The following DAB1 variants were observed in gnomAD, a reference collection of about 807,000 sequenced individuals.
DAB1 encodes the protein disabled homolog 1.
In DAB1, 15 loss-of-function variants were observed where a neutral mutation model predicts 64.6. The observed-to-expected ratio is 0.23, with a 90% CI of 0.16 to 0.36. The LOEUF (loss-of-function observed/expected upper bound fraction) is 0.36, where lower values mean the gene tolerates loss of function less well. Ranked by LOEUF, DAB1 falls within the 10% of genes least tolerant of loss-of-function variation. The probability of loss-of-function intolerance (pLI) is 1.00; values close to 1 mark genes in which losing one functional copy is unlikely to be tolerated. For synonymous variants in DAB1, 235 were observed against 251.9 expected (o/e 0.93, Z 0.64); for missense variants, 596 against 706.7 (o/e 0.84, Z 1.78).
intron 2 of DAB1, among the ~76,000 whole-genome samples, chr1:57,241,821 A>G (rs1668515700): frequency 6.6e-6 from 1 of 152,156 alleles, no homozygotes; most frequent in Admixed American, 6.5e-5. Context: ...CTGGGCTTCA[A>G]ACACTTATCG....
intron 6 of DAB1, among the ~76,000 whole-genome samples, chr1:57,712,558 G>A (rs1557437919): frequency 6.6e-6 from 1 of 152,078 alleles, no homozygotes; most frequent in Non-Finnish European, 1.5e-5. Flanking sequence ...TAGGATTCAA[G>A]GTTATCTTAA....
At chr1:57,772,831 C>A (rs773596874) in intron 6 of DAB1, among the ~76,000 whole-genome samples, 1 of 151,948 alleles carries the variant, frequency 6.6e-6, no homozygotes, top group Admixed American at 6.6e-5. Context: ...CTCCCAGTGA[C>A]CTTATTTGGA....
intron 4 of DAB1, among the ~76,000 whole-genome samples, chr1:58,247,385 C>T (rs1363178185): frequency 1.3e-5 from 2 of 152,036 alleles, no homozygotes; most frequent in Non-Finnish European, 2.9e-5. Context: ...GAAACCCAGC[C>T]TGTCCAAATG....
chr1:58,420,277 A>C (rs1424644235), intron 3 of DAB1, among the ~76,000 whole-genome samples: 2 of 152,196 alleles, frequency 1.3e-5, no homozygotes, highest in African/African-American at 4.8e-5. Flanking sequence ...TGCTGGCTCC[A>C]GTAATATTCT....
chr1:57,937,969 A>G (rs1004716122), intron 5 of DAB1, among the ~76,000 whole-genome samples: 1 of 152,214 alleles, frequency 6.6e-6, no homozygotes, highest in African/African-American at 2.4e-5. Context: ...ACCTATAGTC[A>G]GGGCTAAGCT....
chr1:57,581,274 A>G (rs1645308706), intron 7 of DAB1, among the ~76,000 whole-genome samples: 2 of 152,266 alleles, frequency 1.3e-5, no homozygotes, highest in Admixed American at 1.3e-4. Context: ...TTAGTGTAAC[A>G]CTTCAGAGAA....
intron 2 of DAB1, among the ~76,000 whole-genome samples, chr1:57,273,545 GCCTGCCTGCCTTCCTTCCTT>G (rs1290020074): frequency 1.1e-4 from 8 of 71,812 alleles, no homozygotes; most frequent in Admixed American, 5.5e-4. Context: ...CTGCCTGCCT[GCCTGCCTGCCTTCCTTCCTT>G]CCTTCCTTCC....
intron 5 of DAB1, among the ~76,000 whole-genome samples, chr1:58,145,203 C>A (rs188853166): frequency 1.3e-5 from 2 of 152,184 alleles, no homozygotes; most frequent in African/African-American, 4.8e-5. Context: ...GCCATCCTGC[C>A]GGAGGATGCG....
chr1:57,856,100 A>C (rs986065199), intron 1 of DAB1, among the ~76,000 whole-genome samples: 1 of 152,210 alleles, frequency 6.6e-6, no homozygotes, highest in African/African-American at 2.4e-5. Context: ...GGGACTTATC[A>C]GCAGAGAGTC....
In DAB1 at chr1:57,011,248, C is replaced by A; in HGVS notation, c.1469G>T (p.Ser490Ile). The change falls in exon 13 of 15, where the codon AGC becomes ATC. Residue 490 changes from serine to isoleucine, a missense_variant. Physicochemically the swap from Ser to Ile is moderately radical, Grantham distance 142 (BLOSUM62 -2). This residue lies in a region of DAB1 where 377 missense variants were observed against 400.4 expected (regional missense o/e 0.94). Coordinates refer to ENST00000371236, the MANE Select transcript of DAB1 (RefSeq NM_001365792.1). ...NSPPTPAPRQ[S>I]SPSKSSASHA... Reference sequence around the variant, plus strand: ...GGATGCAGATGATTTGGATGGAGAGCTCTGTCTAGGGGCTGGGGTTGGAGC... The same window carrying A: ...GGATGCAGATGATTTGGATGGAGAGATCTGTCTAGGGGCTGGGGTTGGAGC... 1 of 1,613,994 alleles carries A rather than the reference C, an allele frequency of 6.2e-7. No homozygotes were observed. Among genetic ancestry groups the A allele is most frequent in the Non-Finnish European group, 8.5e-7 (1 of 1,179,886 alleles).
chr1:57,355,394 G>A (rs369659868), intron 1 of DAB1, among the ~76,000 whole-genome samples: 35 of 135,792 alleles, frequency 2.6e-4, no homozygotes, highest in East Asian at 2.1e-3. Context: ...CCTTCCTTCC[G>A]TCCTTCCGTC....
chr1:57,629,359 T>C (rs1310551741), intron 7 of DAB1, among the ~76,000 whole-genome samples: 1 of 152,168 alleles, frequency 6.6e-6, no homozygotes, highest in Admixed American at 6.5e-5. Flanking sequence ...GCAGTGTTTG[T>C]GTGAAAAACC....
intron 3 of DAB1, among the ~76,000 whole-genome samples, chr1:58,434,974 T>A (rs537106668): frequency 6.6e-6 from 1 of 152,312 alleles, no homozygotes; most frequent in East Asian, 1.9e-4. Context: ...CATTTGACAT[T>A]GTTCCCTGAG....
At chr1:57,042,629 G>T (rs1452173782) in intron 9 of DAB1, among the ~76,000 whole-genome samples, 1 of 152,254 alleles carries the variant, frequency 6.6e-6, no homozygotes, top group East Asian at 1.9e-4. Flanking sequence ...GTACCTAGAT[G>T]GCCTAGTGGT....
intron 6 of DAB1, among the ~76,000 whole-genome samples, chr1:57,807,566 C>T (rs1444178250): frequency 6.6e-6 from 1 of 152,220 alleles, no homozygotes; most frequent in East Asian, 1.9e-4. Flanking sequence ...CCAAATACTG[C>T]CTCATCATAT....
At chr1:57,278,816 G>A (rs1671670416) in intron 2 of DAB1, among the ~76,000 whole-genome samples, 1 of 152,118 alleles carries the variant, frequency 6.6e-6, no homozygotes, top group African/African-American at 2.4e-5. Context: ...AGAACTGCAG[G>A]GCCCTTACAG....
intron 2 of DAB1, among the ~76,000 whole-genome samples, chr1:58,526,605 A>G (rs1430090842): frequency 6.7e-6 from 1 of 149,456 alleles, no homozygotes; most frequent in Non-Finnish European, 1.5e-5. Context: ...GGCTAGCAAA[A>G]AAAAAAAAAA....
At chr1:57,691,069 CA>C (rs1558614685) in intron 6 of DAB1, among the ~76,000 whole-genome samples, 1 of 152,060 alleles carries the variant, frequency 6.6e-6, no homozygotes, top group Non-Finnish European at 1.5e-5. Context: ...GGGTAGTTTG[CA>C]AATATTTTCT....
At chr1:57,580,652 C>T (rs1645301563) in intron 7 of DAB1, among the ~76,000 whole-genome samples, 1 of 152,062 alleles carries the variant, frequency 6.6e-6, no homozygotes, top group Non-Finnish European at 1.5e-5. Flanking sequence ...TGAGAAGATG[C>T]TAAGACCATA....
Sources: allele counts gnomAD v4.1 joint callset (sites outside exome capture counted in the v4.1 genomes callset), GRCh38; gene constraint gnomAD v4.1.1; regional missense constraint gnomAD v4.1.1; transcripts MANE v1.5; gene names NCBI Gene and HGNC (gene_info 2026-07-23, HGNC 2026-07-21).